Variants in NAALADL2 observed in about 807,000 individuals in gnomAD.
NAALADL2 encodes the protein inactive N-acetylated-alpha-linked acidic dipeptidase-like protein 2.
Under a neutral mutation model 87.2 loss-of-function variants are expected in NAALADL2, and 76 were observed. The ratio of observed to expected loss-of-function variants is 0.87; its 90% CI spans 0.72 to 1.05. The LOEUF is 1.05. Among genes scored for constraint, NAALADL2 ranks in the 50% least tolerant of loss-of-function variants. The pLI, the probability that NAALADL2 is intolerant of heterozygous loss-of-function variation, is 0.00. For synonymous variants in NAALADL2, 354 were observed against 331.0 expected (o/e 1.07, Z -0.75); for missense variants, 1,089 against 945.8 (o/e 1.15, Z -1.99).
At chr3:174,525,872 C>T (rs753961594) in intron 1 of NAALADL2, among the ~76,000 whole-genome samples, 6 of 152,110 alleles carry the variant, frequency 3.9e-5, no homozygotes, top group South Asian at 2.1e-4. Flanking sequence ...ATGTTCTGGT[C>T]CCCCATGAGC....
chr3:174,451,262 C>T (rs914842723), intron 1 of NAALADL2, among the ~76,000 whole-genome samples: 11 of 152,098 alleles, frequency 7.2e-5, no homozygotes, highest in African/African-American at 2.7e-4. Flanking sequence ...CAGTGATATT[C>T]CAGTGACTTA....
chr3:175,777,921 T>C (rs1228780400), intron 13 of NAALADL2, among the ~76,000 whole-genome samples: 9 of 152,196 alleles, frequency 5.9e-5, no homozygotes, highest in African/African-American at 1.9e-4. Context: ...TTTGCTTCTC[T>C]CAACCTACTG....
At chr3:175,039,308 A>G (rs1201094326) in intron 1 of NAALADL2, among the ~76,000 whole-genome samples, 1 of 152,144 alleles carries the variant, frequency 6.6e-6, no homozygotes, top group Non-Finnish European at 1.5e-5. Flanking sequence ...CTGGAACTAC[A>G]GGCATGTGCC....
chr3:175,628,187 C>T (rs1727262704), intron 11 of NAALADL2, among the ~76,000 whole-genome samples: 1 of 151,644 alleles, frequency 6.6e-6, no homozygotes, highest in Admixed American at 6.6e-5. Context: ...ACTTTCAGTG[C>T]CGTATTCGAC....
intron 1 of NAALADL2, among the ~76,000 whole-genome samples, chr3:174,940,449 C>T (rs1011544488): frequency 2.0e-5 from 3 of 151,950 alleles, no homozygotes; most frequent in Non-Finnish European, 4.4e-5. Context: ...TGTGTTCATC[C>T]AGAATATTGG....
intron 11 of NAALADL2, among the ~76,000 whole-genome samples, chr3:175,667,209 AAG>A (rs1281390668): frequency 6.5e-5 from 8 of 122,500 alleles, no homozygotes; most frequent in South Asian, 4.9e-4. Context: ...GAAAGAAAGA[AAG>A]AAAGAAAGAA....
At chr3:174,758,424 C>T (rs941034948) in intron 3 of NAALADL2, among the ~76,000 whole-genome samples, 4 of 152,150 alleles carry the variant, frequency 2.6e-5, no homozygotes, top group Non-Finnish European at 4.4e-5. Context: ...TGATCATTCT[C>T]TTTCGTCCCT....
chr3:175,012,434 T>C (rs779040164), intron 1 of NAALADL2, among the ~76,000 whole-genome samples: 6 of 152,124 alleles, frequency 3.9e-5, no homozygotes, highest in African/African-American at 7.2e-5. Context: ...TCCCAAATTG[T>C]TGGGATTACA....
chr3:175,695,384 A>G (rs1485888460), intron 11 of NAALADL2, among the ~76,000 whole-genome samples: 1 of 151,528 alleles, frequency 6.6e-6, no homozygotes, highest in Admixed American at 6.6e-5. Flanking sequence ...GAAATATTCT[A>G]CTCCTTCCAT....
upstream of NAALADL2, among the ~76,000 whole-genome samples, chr3:174,858,662 A>G (rs1726120884): frequency 6.6e-6 from 1 of 152,090 alleles, no homozygotes; most frequent in Admixed American, 6.6e-5. Context: ...CATCAGAAGA[A>G]CAAGAGGGAG....
At chr3:175,501,782 T>C (rs1311440401) in intron 9 of NAALADL2, among the ~76,000 whole-genome samples, 1 of 152,116 alleles carries the variant, frequency 6.6e-6, no homozygotes, top group Non-Finnish European at 1.5e-5. Flanking sequence ...GAAACTTGAA[T>C]TTAGGAGAAA....
intron 10 of NAALADL2, among the ~76,000 whole-genome samples, chr3:175,612,497 A>G (rs540826883): frequency 6.6e-6 from 1 of 152,270 alleles, no homozygotes; most frequent in African/African-American, 2.4e-5. Flanking sequence ...GGGCTATAAT[A>G]TCTTTCTCAG....
chr3:175,618,011 C>T (rs1725584701), intron 10 of NAALADL2, among the ~76,000 whole-genome samples: 1 of 152,200 alleles, frequency 6.6e-6, no homozygotes, highest in South Asian at 2.1e-4. Flanking sequence ...AAGGCTCATC[C>T]CCTTCCTTGG....
intron 2 of NAALADL2, among the ~76,000 whole-genome samples, chr3:174,699,861 T>C (rs565059639): frequency 2.9e-5 from 4 of 138,762 alleles, no homozygotes; most frequent in African/African-American, 5.4e-5. Context: ...TTTGAGAAGA[T>C]TGTATATTTT....
intron 13 of NAALADL2, among the ~76,000 whole-genome samples, chr3:175,791,792 A>C (rs1339692885): frequency 6.6e-6 from 1 of 150,602 alleles, no homozygotes; most frequent in Non-Finnish European, 1.5e-5. Flanking sequence ...CAATAAATTT[A>C]TTTTTTTCTT....
intron 5 of NAALADL2, among the ~76,000 whole-genome samples, chr3:175,362,732 C>T (rs1420739192): frequency 6.8e-6 from 1 of 147,846 alleles, no homozygotes; most frequent in Non-Finnish European, 1.5e-5. Context: ...GATAGTTCTC[C>T]TTTTGGTTCT....
Position 175,010,594 on chromosome 3 carries a change from T to C in NAALADL2, c.44-86196T>C, listed in dbSNP as rs149752960. Among the ~76,000 whole-genome samples the C allele has an allele frequency of 4.3e-4, 65 of 152,278 alleles. 1 individual carries two copies. The East Asian group carries it at 0.011, about 26-fold the overall frequency. ...GGGTAAAAATGGAGAAACACAATGGTTTTTGTTTGTTTGTTTGAAGTCATG... is the reference window on the plus strand; with the variant it reads ...GGGTAAAAATGGAGAAACACAATGGCTTTTGTTTGTTTGTTTGAAGTCATG... On this transcript the variant is annotated intron_variant, in intron 1 of 13. Transcript: ENST00000454872.
chr3:175,570,266 T>G (rs575207015), intron 9 of NAALADL2, among the ~76,000 whole-genome samples: 16 of 152,292 alleles, frequency 1.1e-4, no homozygotes, highest in African/African-American at 3.1e-4. Context: ...CTTCAGCTGA[T>G]GAGATGAGGG....
At chr3:175,046,601 A>C (rs925317934) in intron 1 of NAALADL2, among the ~76,000 whole-genome samples, 3 of 152,194 alleles carry the variant, frequency 2.0e-5, no homozygotes, top group Non-Finnish European at 2.9e-5. Context: ...GACCTCCAAC[A>C]ATCTGTTGCT....
Sources: allele counts gnomAD v4.1 joint callset (sites outside exome capture counted in the v4.1 genomes callset), GRCh38; gene constraint gnomAD v4.1.1; transcripts MANE v1.5; gene names NCBI Gene and HGNC (gene_info 2026-07-23, HGNC 2026-07-21).